Variants in LINGO2 observed in about 807,000 individuals in gnomAD.
LINGO2 encodes leucine rich repeat and Ig domain containing 2, also known as leucine-rich repeat and immunoglobulin-like domain-containing nogo receptor-interacting protein 2.
A neutral mutation model predicts 30.6 loss-of-function variants in LINGO2; 14 were observed. The observed-to-expected ratio is 0.46, with a 90% CI of 0.30 to 0.72. LINGO2 has a LOEUF of 0.72. Among genes scored for constraint, LINGO2 ranks in the 30% least tolerant of loss-of-function variants. LINGO2 has a pLI of 0.07. For missense variants in LINGO2, 729 were observed against 751.7 expected, an observed-to-expected ratio of 0.97 and a Z score of 0.35; for synonymous variants, 317 against 288.5, an observed-to-expected ratio of 1.10 and a Z score of -1.00.
the LINGO2 span, among the ~76,000 whole-genome samples, chr9:28,985,191 C>A: frequency 1.3e-5 from 2 of 152,074 alleles, no homozygotes; most frequent in African/African-American, 4.8e-5. Context: ...TTGCAAATGA[C>A]AGAATTTCGT....
the LINGO2 span, among the ~76,000 whole-genome samples, chr9:28,818,460 C>T: frequency 1.3e-5 from 2 of 152,202 alleles, no homozygotes; most frequent in African/African-American, 4.8e-5. Context: ...TCTAGGCTCA[C>T]TGCAACCTCT....
At chr9:29,098,052 G>A in the LINGO2 span, among the ~76,000 whole-genome samples, 1 of 152,126 alleles carries the variant, frequency 6.6e-6, no homozygotes, top group Non-Finnish European at 1.5e-5. Context: ...TGCAATGCTG[G>A]ATCATAATAG....
chr9:27,968,423 T>C (rs1820200320), intron 5 of LINGO2, among the ~76,000 whole-genome samples: 1 of 152,036 alleles, frequency 6.6e-6, no homozygotes, highest in African/African-American at 2.4e-5. Context: ...AAAATGTTTA[T>C]ATAAAAAAGA....
intron 1 of LINGO2, among the ~76,000 whole-genome samples, chr9:28,661,599 T>G (rs1419804825): frequency 3.3e-5 from 5 of 152,214 alleles, no homozygotes; most frequent in African/African-American, 7.2e-5. Flanking sequence ...AATGTTAACC[T>G]GGATATAATT....
At chr9:29,080,586 T>C in the LINGO2 span, among the ~76,000 whole-genome samples, 1 of 152,202 alleles carries the variant, frequency 6.6e-6, no homozygotes, top group East Asian at 1.9e-4. Context: ...CATTTAGTGC[T>C]ATAAATTTCC....
At chr9:28,542,813 C>A (rs904996393) in intron 1 of LINGO2, among the ~76,000 whole-genome samples, 1 of 151,916 alleles carries the variant, frequency 6.6e-6, no homozygotes, top group Non-Finnish European at 1.5e-5. Flanking sequence ...CCTGGTTATG[C>A]TGAGGTGAGT....
In LINGO2 at chr9:28,002,692, G is replaced by A. The variant is rs145392641; in HGVS notation, c.-36+9663C>T. On this transcript the variant is annotated intron_variant, in intron 5 of 5. Coordinates refer to ENST00000379992, the Ensembl canonical transcript of LINGO2. ...ATTTAAGTACAAGTCCTTGAATAAC[G>A]CCATTTCAGTCAACATCATTTCATC... is the stretch of plus-strand genomic sequence containing the variant. 6.1e-3 allele frequency among the ~76,000 whole-genome samples: 932 copies of A among 152,136 alleles called. 11 individuals are homozygous for A. Among genetic ancestry groups the A allele is most frequent in the African/African-American group, 0.021 (883 of 41,500 alleles).
intron 4 of LINGO2, among the ~76,000 whole-genome samples, chr9:28,248,809 T>C (rs1020785071): frequency 1.3e-5 from 2 of 152,190 alleles, no homozygotes; most frequent in African/African-American, 4.8e-5. Context: ...GGTAGATTTC[T>C]CATTTATAGA....
the LINGO2 span, among the ~76,000 whole-genome samples, chr9:28,976,712 C>G: frequency 6.6e-6 from 1 of 151,950 alleles, no homozygotes; most frequent in South Asian, 2.1e-4. Flanking sequence ...ATGCTGAGCT[C>G]TAAATGAGCC....
intron 4 of LINGO2, among the ~76,000 whole-genome samples, chr9:28,054,777 C>T (rs958450372): frequency 6.6e-6 from 1 of 151,564 alleles, no homozygotes; most frequent in Non-Finnish European, 1.5e-5. Context: ...GATCATATTC[C>T]AGGCTATAAC....
chr9:29,188,941 T>C, the LINGO2 span, among the ~76,000 whole-genome samples: 311 of 104,728 alleles, frequency 3.0e-3, 6 homozygotes, highest in East Asian at 0.027. Flanking sequence ...CCGGACGGGG[T>C]GGCTGGCCCG....
chr9:28,302,797 G>A (rs111431949), intron 3 of LINGO2, among the ~76,000 whole-genome samples: 3 of 152,312 alleles, frequency 2.0e-5, no homozygotes, highest in South Asian at 2.1e-4. Flanking sequence ...TTGAGAATTA[G>A]TGTGTCACAT....
At chr9:28,768,521 C>A in the LINGO2 span, among the ~76,000 whole-genome samples, 33 of 151,678 alleles carry the variant, frequency 2.2e-4, no homozygotes, top group Non-Finnish European at 4.0e-4. Flanking sequence ...TTTAAGTGGG[C>A]AATTGGATTT....
chr9:28,775,042 G>T, the LINGO2 span, among the ~76,000 whole-genome samples: 1 of 152,120 alleles, frequency 6.6e-6, no homozygotes, highest in Non-Finnish European at 1.5e-5. Context: ...ACTGGAAGAA[G>T]GGGAGGGGAG....
chr9:28,969,170 A>T, the LINGO2 span, among the ~76,000 whole-genome samples: 627 of 152,066 alleles, frequency 4.1e-3, 3 homozygotes, highest in Non-Finnish European at 7.0e-3. Context: ...TTAGAAGAAG[A>T]TCAGCACTGT....
intron 1 of LINGO2, among the ~76,000 whole-genome samples, chr9:28,558,175 A>C (rs553239267): frequency 6.6e-6 from 1 of 151,764 alleles, no homozygotes; most frequent in South Asian, 2.1e-4. Flanking sequence ...AAACCAAAAA[A>C]AAAAAACAAT....
At chr9:28,729,507 T>C in the LINGO2 span, among the ~76,000 whole-genome samples, 148 of 152,100 alleles carry the variant, frequency 9.7e-4, no homozygotes, top group African/African-American at 3.2e-3. Context: ...TCATTAAATA[T>C]TGGCAGAGAT....
chr9:28,799,150 C>T, the LINGO2 span, among the ~76,000 whole-genome samples: 10 of 152,136 alleles, frequency 6.6e-5, no homozygotes, highest in East Asian at 1.9e-4. Context: ...ATAGTCCACA[C>T]ATTTATGAAA....
chr9:28,375,114 ACACACACACACACACACACATACAC>A (rs1821072041), intron 2 of LINGO2, among the ~76,000 whole-genome samples: 1 of 54,070 alleles, frequency 1.8e-5, no homozygotes, highest in Non-Finnish European at 5.6e-5. Flanking sequence ...ACACACACAC[ACACACACACACACACACACATACAC>A]CCCACACTAA....
Sources: allele counts gnomAD v4.1 joint callset (sites outside exome capture counted in the v4.1 genomes callset), GRCh38; gene constraint gnomAD v4.1.1; transcripts MANE v1.5; gene names NCBI Gene and HGNC (gene_info 2026-07-23, HGNC 2026-07-21).